The following APC2 variants were observed in gnomAD, a reference collection of about 807,000 sequenced individuals.
The protein encoded by APC2 is APC regulator of Wnt signaling pathway 2, also known as adenomatous polyposis coli protein 2.
Under a neutral mutation model 72.5 loss-of-function variants are expected in APC2, and 41 were observed. That is an observed-to-expected ratio of 0.57 (90% confidence interval 0.44 to 0.73). The LOEUF is 0.73. Among genes scored for constraint, APC2 ranks in the 30% least tolerant of loss-of-function variants. APC2 has a pLI of 0.00. For synonymous variants in APC2, 1,898 were observed against 1,612.0 expected (o/e 1.18, Z -4.25); for missense variants, 3,729 against 3,403.4 (o/e 1.10, Z -2.38).
rs1208340792 is a variant in APC2 at position 1,468,192 on chromosome 19, C to T, written c.4891C>T (p.Arg1631Trp). 2 of 1,462,280 alleles carry T rather than the reference C, an allele frequency of 1.4e-6. No individual in the cohort carries two copies. Among genetic ancestry groups the T allele is most frequent in the South Asian group, 1.4e-5 (1 of 73,676 alleles). The allele number at this position is 1,462,280 out of a possible 1,614,324, so 90.6% of individuals were successfully genotyped here. ...GCGGGCCGCGGAGGAGCTTCTGCAG[C>T]GGTGCATCAGCTCGGCCCTGCCCAG... is the stretch of plus-strand genomic sequence containing the variant. ...SPRAAEELLQ[R>W]CISSALPRRR... Residue 1631 changes from arginine to tryptophan, a missense_variant, in exon 15 of 15, where the codon CGG becomes TGG. Arg to Trp is a moderately radical substitution (Grantham distance 101). Transcript: ENST00000590469.
Position 1,469,443 on chromosome 19 carries a change from G to A in APC2, c.6142G>A (p.Ala2048Thr). 1 of 1,162,072 alleles carries A rather than the reference G, an allele frequency of 8.6e-7. No homozygotes were observed. Among genetic ancestry groups the A allele is most frequent in the Non-Finnish European group, 1.1e-6 (1 of 945,878 alleles). 72.0% of individuals were successfully genotyped at this position (1,162,072 alleles called of 1,614,324 possible). A position where few individuals can be genotyped will look rare whatever the true frequency, so the allele number is the denominator to read the frequency against. ...CTCCTCGCGCTGCGAAGAGCTCCGA[G>A]CGGCACCCCGGCAGGGCCCGGCCCC... The part of the protein sequence containing the change: ...LCSSRCEELR[A>T]APRQGPAPAR... The change falls in exon 15 of 15, where the codon GCG becomes ACG. Residue 2048 changes from alanine to threonine, a missense_variant. Ala to Thr is a moderately conservative substitution (Grantham distance 58). Coordinates refer to ENST00000590469, the MANE Select transcript of APC2 (RefSeq NM_005883.3).
At chr19:1,450,005 C>T (rs2083723795), upstream of APC2, 1 of 576,044 alleles carries the variant, frequency 1.7e-6, no homozygotes, top group South Asian at 7.5e-5. Flanking sequence ...CGCCCCGCGG[C>T]CGACGCCGGT....
At chr19:1,459,459 C>T (rs1350612953) in intron 10 of APC2, among the ~76,000 whole-genome samples, 1 of 152,196 alleles carries the variant, frequency 6.6e-6, no homozygotes, top group East Asian at 1.9e-4. Context: ...CCTATGGATG[C>T]TCTAGCTGCC....
At position 1,467,278 on chromosome 19, in the gene APC2, C is replaced by T. The variant is rs1330462247; in HGVS notation, c.3977C>T (p.Ala1326Val). The change falls in exon 15 of 15, where the codon GCG becomes GTG. Residue 1326 changes from alanine to valine, a missense_variant. Coordinates refer to ENST00000590469, the MANE Select transcript of APC2 (RefSeq NM_005883.3). The stretch of plus-strand genomic sequence containing the variant: ...CACCGGCGGCGGGAGGAGGGGCCGG[C>T]GCCCACGGGTTCTCGCCCTCGCGGC... The part of the protein sequence containing the change: ...AGHRRREEGP[A>V]PTGSRPRGAA... 3.1e-6 allele frequency: 4 copies of T among 1,309,252 alleles called. No individual in the cohort carries two copies. The highest frequency in any genetic ancestry group is 3.1e-5 in the East Asian group (1 of 31,992). 81.1% of individuals were successfully genotyped at this position (1,309,252 alleles called of 1,614,324 possible). A position where few individuals can be genotyped will look rare whatever the true frequency, so the allele number is the denominator to read the frequency against.
At position 1,457,129 on chromosome 19, in the gene APC2, C is replaced by T. The variant is rs777620439; in HGVS notation, c.1093C>T (p.Arg365Cys). ...VFSQPDQGLARKEMRVLHVLE... is the reference protein window; with the variant it reads ...VFSQPDQGLACKEMRVLHVLE... ...CTCGCAGCCGGACCAGGGCCTGGCG[C>T]GCAAGGAGATGCGCGTCCTGCACGT... The change falls in exon 9 of 15, where the codon CGC (arginine) becomes TGC (cysteine). Residue 365 changes from arginine (R) to cysteine (C), a missense_variant. By Grantham distance (180) the Arg-to-Cys change is radical (BLOSUM62 -3). Coordinates refer to ENST00000590469, the MANE Select transcript of APC2 (RefSeq NM_005883.3). 5 of 1,589,170 alleles carry T rather than the reference C, an allele frequency of 3.1e-6. No homozygotes were observed. Among genetic ancestry groups the T allele is most frequent in the East Asian group, 4.6e-5 (2 of 43,410 alleles).
Position 1,460,938 on chromosome 19 carries a change from C to T in APC2, c.1521+81C>T. 1.9e-6 allele frequency: 3 copies of T among 1,590,378 alleles called. No homozygotes were observed. In the South Asian group the frequency reaches 3.3e-5, roughly 18 times the overall value. On this transcript the variant is annotated intron_variant, in intron 12 of 14. Transcript: ENST00000590469. ...CCTCCCCAGCGGTGTGGTGGGCTGG[C>T]AGGGGTGTCCCGTCCGACTCTCTGC... is the stretch of plus-strand genomic sequence containing the variant.
chr19:1,453,966 G>A (rs1040552630), intron 4 of APC2, among the ~76,000 whole-genome samples: 1 of 152,238 alleles, frequency 6.6e-6, no homozygotes, highest in African/African-American at 2.4e-5. Context: ...CTGGAGCCAG[G>A]CGGGCTCAAA....
Position 1,452,905 on chromosome 19 carries a change from G to T in APC2, c.-18-79G>T. 2.0e-6 allele frequency: 3 copies of T among 1,503,648 alleles called. No individual in the cohort carries two copies. The highest frequency in any genetic ancestry group is 1.8e-6 in the Non-Finnish European group (2 of 1,119,458). 93.1% of individuals were successfully genotyped at this position (1,503,648 alleles called of 1,614,324 possible). Reference sequence around the variant, plus strand: ...ATCAGGCAGGACGGCTGGGGCTTAGGTCAGGGGCCGTCTGTCCGGAAGGCA... The same window carrying T: ...ATCAGGCAGGACGGCTGGGGCTTAGTTCAGGGGCCGTCTGTCCGGAAGGCA... On this transcript the variant is annotated intron_variant, in intron 1 of 14. Coordinates refer to ENST00000590469, the MANE Select transcript of APC2 (RefSeq NM_005883.3). This position sits in a 1 kb window ranked among gnomAD's most constrained non-coding sequence, Gnocchi z 5.1.
Position 1,468,371 on chromosome 19 carries a change from G to T in APC2, c.5070G>T (p.Gln1690His). Reference protein sequence around the residue: ...DLDSVEWRAIQEGANSIVTWL... With the variant: ...DLDSVEWRAIHEGANSIVTWL... ...ATAGCGTGGAGTGGCGCGCCATCCA[G>T]GAGGGCGCCAATTCAATTGTCACGT... The change falls in exon 15 of 15, where the codon CAG becomes CAT. Residue 1690 changes from glutamine to histidine, a missense_variant. Transcript: ENST00000590469. 1 of 1,577,086 alleles carries T rather than the reference G, an allele frequency of 6.3e-7. No individual in the cohort carries two copies. Among genetic ancestry groups the T allele is most frequent in the Non-Finnish European group, 8.6e-7 (1 of 1,160,188 alleles).
upstream of APC2, among the ~76,000 whole-genome samples, chr19:1,448,930 G>A (rs1308953551): frequency 1.3e-5 from 2 of 152,178 alleles, no homozygotes; most frequent in Non-Finnish European, 2.9e-5. Flanking sequence ...GACCCAACCA[G>A]TGGGGACAGC....
In APC2 at chr19:1,453,085, G is replaced by C; in HGVS notation, c.84G>C (p.Glu28Asp). The change falls in exon 2 of 15, where the codon GAG becomes GAC. Residue 28 changes from glutamate (E) to aspartate (D), a missense_variant. Physicochemically the swap from Glu to Asp is conservative, Grantham distance 45 (BLOSUM62 2). Coordinates refer to ENST00000590469, the MANE Select transcript of APC2 (RefSeq NM_005883.3). ...CTGAGAACAGCCACCTGAGGCAGGA[G>C]CTAAGGGACAACTCCAGCCACCTGT... The part of the protein sequence containing the change: ...LKAENSHLRQ[E>D]LRDNSSHLSK... 1 of 1,609,706 alleles carries C rather than the reference G, an allele frequency of 6.2e-7. No homozygotes were observed. The highest frequency in any genetic ancestry group is 8.5e-7 in the Non-Finnish European group (1 of 1,178,940).
intron 6 of APC2, 149 bp from the exon 7 acceptor site, chr19:1,455,927 G>T: frequency 6.4e-6 from 1 of 156,956 alleles, no homozygotes; most frequent in South Asian, 7.5e-5. Flanking sequence ...CTGGATCAGG[G>T]AGAAGGCAGA....
chr19:1,464,485 G>A (rs1251698772), intron 14 of APC2, among the ~76,000 whole-genome samples: 1 of 152,064 alleles, frequency 6.6e-6, no homozygotes, highest in Non-Finnish European at 1.5e-5. Flanking sequence ...GAGCCCAGGA[G>A]TTGGAGGCTG....
rs139596517 is a variant in APC2 at position 1,460,796 on chromosome 19, G to A, written c.1460G>A (p.Arg487His). 2.9e-4 allele frequency: 467 copies of A among 1,613,076 alleles called. No homozygotes were observed. In the African/African-American group the frequency reaches 4.6e-3, roughly 16 times the overall value. Residue 487 changes from arginine to histidine, a missense_variant, in exon 12 of 15, where the codon CGC becomes CAC. By Grantham distance (29) the Arg-to-His change is conservative (BLOSUM62 0). Transcript: ENST00000590469. ...DVANKATLCA[R>H]RGCMEAIVAQ... ...CCCCAACAGGCCACCCTGTGTGCGCGCCGCGGCTGCATGGAGGCCATCGTG... is the reference window on the plus strand; with the variant it reads ...CCCCAACAGGCCACCCTGTGTGCGCACCGCGGCTGCATGGAGGCCATCGTG...
rs375010507 is a variant in APC2 at position 1,467,865 on chromosome 19, G to A, written c.4564G>A (p.Ala1522Thr). ...CTCGGACGAGGAGCCCCCGGCGGCC[G>A]CGCCCACGCCAACCCACCGGCGCAC... is the stretch of plus-strand genomic sequence containing the variant. The part of the protein sequence containing the change: ...NDSDEEPPAA[A>T]PTPTHRRTSA... Residue 1522 changes from alanine to threonine, a missense_variant, in exon 15 of 15, where the codon GCG (alanine) becomes ACG (threonine). Ala to Thr is a moderately conservative substitution (Grantham distance 58). Transcript: ENST00000590469. The A allele has an allele frequency of 8.3e-6, 13 of 1,557,110 alleles. No homozygotes were observed. Among genetic ancestry groups the A allele is most frequent in the Admixed American group, 1.8e-5 (1 of 54,478 alleles).
intron 11 of APC2, 42 bp from the exon 12 acceptor site, chr19:1,460,734 CCCTT>C: frequency 1.3e-6 from 2 of 1,583,394 alleles, no homozygotes; most frequent in Non-Finnish European, 1.7e-6. Flanking sequence ...GGCACAGTCT[CCCTT>C]GTGTCCCAAC....
chr19:1,469,275 CG>C lies in APC2; in HGVS notation c.5976del (p.Arg1993AspfsTer3). On this transcript the variant is annotated frameshift_variant, in exon 15 of 15. Transcript: ENST00000590469. LOFTEE classifies it low-confidence loss of function (END_TRUNC). ...CGAGTCCTCCGACCGCTCGGGCTTC[CG>C]GCGACAGCTAACCTTCATCAAGGAG... Reference protein sequence around the residue: ...GSESSDRSGFRRQLTFIKESP... With the variant: ...GSESSDRSGFXRQLTFIKESP... 1 of 1,425,826 alleles carries C rather than the reference CG, an allele frequency of 7.0e-7. No individual in the cohort carries two copies. The highest frequency in any genetic ancestry group is 9.2e-7 in the Non-Finnish European group (1 of 1,087,612). 88.3% of individuals were successfully genotyped at this position (1,425,826 alleles called of 1,614,324 possible). A position where few individuals can be genotyped will look rare whatever the true frequency, so the allele number is the denominator to read the frequency against.
rs756812208 is a variant in APC2 at position 1,462,163 on chromosome 19, C to A, written c.1839C>A (p.Thr613=). 2.5e-6 allele frequency: 4 copies of A among 1,599,886 alleles called. No homozygotes were observed. The highest frequency in any genetic ancestry group is 3.4e-6 in the Non-Finnish European group (4 of 1,175,108). Reference sequence around the variant, plus strand: ...GCAATGTGTCCAGCCTCGTCGCCACCCGTGAGGACTACAGGTCGGCCCCCA... The same window carrying A: ...GCAATGTGTCCAGCCTCGTCGCCACACGTGAGGACTACAGGTCGGCCCCCA... ...ILRNVSSLVA[T]REDYRQVLRD... The change falls in exon 14 of 15, where the codon ACC becomes ACA. Residue 613 remains threonine (T), a synonymous_variant. Transcript: ENST00000590469.
At position 1,452,842 on chromosome 19, in the gene APC2, C is replaced by A; in HGVS notation, c.-18-142C>A. 2.8e-6 allele frequency: 3 copies of A among 1,061,786 alleles called. No homozygotes were observed. The South Asian group carries it at 4.9e-5, about 17-fold the overall frequency. The allele number at this position is 1,061,786 out of a possible 1,614,324, so 65.8% of individuals were successfully genotyped here. ...CACCACGTGGGCCTGTACTTGTCCA[C>A]ACCAGTGACTCCTGCCTGAGACCCC... On this transcript the variant is annotated intron_variant, in intron 1 of 14. Transcript: ENST00000590469. This position sits in a 1 kb window ranked among gnomAD's most constrained non-coding sequence, Gnocchi z 5.1.
Sources: gnomAD v4.1 joint callset for allele counts (sites outside exome capture counted in the v4.1 genomes callset) on GRCh38, gnomAD v4.1.1 for gene constraint, Gnocchi (gnomAD v3.1) non-coding constraint, MANE v1.5 for transcripts, NCBI Gene and HGNC (gene_info 2026-07-23, HGNC 2026-07-21) for gene names.